The following ARRB1 variants were observed in gnomAD, a reference collection of about 807,000 sequenced individuals.
ARRB1 encodes beta-arrestin-1.
ARRB1 carries 21 observed loss-of-function variants against 56.8 expected under a neutral mutation model. The observed-to-expected ratio is 0.37, with a 90% CI of 0.26 to 0.53. The LOEUF (loss-of-function observed/expected upper bound fraction) is 0.53. Among genes scored for constraint, ARRB1 ranks in the 20% least tolerant of loss-of-function variants. The pLI, the probability that ARRB1 is intolerant of heterozygous loss-of-function variation, is 0.88. For synonymous variants in ARRB1, 210 were observed against 218.6 expected (o/e 0.96, Z 0.35); for missense variants, 424 against 553.7 (o/e 0.77, Z 2.35).
At chr11:75,289,002 C>T (rs985938116) in intron 2 of ARRB1, among the ~76,000 whole-genome samples, 1 of 152,204 alleles carries the variant, frequency 6.6e-6, no homozygotes, top group African/African-American at 2.4e-5. Flanking sequence ...CAAGTCTGAT[C>T]TACCGGCGGG....
At chr11:75,317,286 C>A (rs1474703221) in intron 1 of ARRB1, among the ~76,000 whole-genome samples, 1 of 152,034 alleles carries the variant, frequency 6.6e-6, no homozygotes, top group African/African-American at 2.4e-5. Context: ...CCAAAGCAGC[C>A]TCTCACCCAC....
At chr11:75,349,318 A>G (rs1324205934) in intron 1 of ARRB1, among the ~76,000 whole-genome samples, 1 of 152,214 alleles carries the variant, frequency 6.6e-6, no homozygotes, top group African/African-American at 2.4e-5. Flanking sequence ...AAATGTAAGT[A>G]TTGATAGCTC....
intron 1 of ARRB1, among the ~76,000 whole-genome samples, chr11:75,295,141 G>A (rs536244377): frequency 7.0e-6 from 1 of 142,434 alleles, no homozygotes; most frequent in South Asian, 2.4e-4. Flanking sequence ...AGGATCACTT[G>A]AACCTAGGAG....
At chr11:75,285,377 G>A (rs1946445500) in intron 3 of ARRB1, among the ~76,000 whole-genome samples, 1 of 152,240 alleles carries the variant, frequency 6.6e-6, no homozygotes, top group Non-Finnish European at 1.5e-5. Flanking sequence ...CAGGAGGCCA[G>A]AAACACTGGC....
intron 1 of ARRB1, among the ~76,000 whole-genome samples, chr11:75,322,415 A>G (rs1298460525): frequency 1.3e-5 from 2 of 152,218 alleles, no homozygotes; most frequent in African/African-American, 4.8e-5. Flanking sequence ...CTGAGGCAGG[A>G]GAATCGCTTG....
chr11:75,287,263 C>T, intron 3 of ARRB1, 52 bp downstream of exon 3: 4 of 1,529,396 alleles, frequency 2.6e-6, no homozygotes, highest in Non-Finnish European at 3.5e-6. Flanking sequence ...TTCTGGGAGG[C>T]TTGGCCAGCC....
intron 1 of ARRB1, among the ~76,000 whole-genome samples, chr11:75,321,703 C>CCCA (rs1267153608): frequency 6.6e-6 from 1 of 152,182 alleles, no homozygotes; most frequent in Non-Finnish European, 1.5e-5. Flanking sequence ...GATAGCAGTG[C>CCCA]CCACCCCATC....
chr11:75,299,847 G>T (rs1004467039), intron 1 of ARRB1, among the ~76,000 whole-genome samples: 1 of 152,130 alleles, frequency 6.6e-6, no homozygotes, highest in Admixed American at 6.6e-5. Context: ...AATAAATATA[G>T]GATGACTATG....
chr11:75,287,205 T>C lies in ARRB1; in HGVS notation c.112+110A>G, dbSNP rs1946500248. On this transcript the variant is annotated intron_variant, in intron 3 of 15. Transcript: ENST00000420843. ...GCTTGCTGCCTGAAGCAGGAAGCCA[T>C]TCACCCCCGTTCTTGGCACCGGGCC... The C allele has an allele frequency of 1.2e-5, 14 of 1,148,158 alleles. 1 individual carries two copies. In the Admixed American group the frequency reaches 3.1e-4, roughly 25 times the overall value. 71.1% of individuals were successfully genotyped at this position (1,148,158 alleles called of 1,614,324 possible).
chr11:75,306,615 C>T, intron 1 of ARRB1: 1 of 1,289,182 alleles, frequency 7.8e-7, no homozygotes, highest in Middle Eastern at 2.1e-4. Flanking sequence ...AGAAGCAGCG[C>T]CAAAGCAGTG....
At chr11:75,283,539 C>T (rs72556395) in intron 4 of ARRB1, 56 bp from the exon 5 acceptor site, 47 of 1,502,968 alleles carry the variant, frequency 3.1e-5, no homozygotes, top group Admixed American at 6.4e-5. Context: ...AGCGAGCCCC[C>T]CAGAGTGCCG....
intron 1 of ARRB1, among the ~76,000 whole-genome samples, chr11:75,344,930 A>T (rs778037960): frequency 1.6e-4 from 24 of 152,166 alleles, no homozygotes; most frequent in Non-Finnish European, 2.9e-4. Context: ...ATCCAGGCCC[A>T]TACACGGGCT....
At chr11:75,351,505 C>T in intron 1 of ARRB1, 83 bp downstream of exon 1, 1 of 1,489,642 alleles carries the variant, frequency 6.7e-7, no homozygotes, top group African/African-American at 1.5e-5. Context: ...AACGCAGAAC[C>T]AGGACGCAAT....
intron 1 of ARRB1, among the ~76,000 whole-genome samples, chr11:75,296,186 A>AG (rs1491399924): frequency 9.0e-4 from 26 of 29,006 alleles, no homozygotes; most frequent in Admixed American, 6.1e-3. Context: ...ACTTTGTCTC[A>AG]AAAAAAAAAA....
rs1490314468 is a variant in ARRB1, at chr11:75,283,276, C to A, written c.354+11G>T. On this transcript the variant is annotated intron_variant, in intron 5 of 15. Transcript: ENST00000420843. The stretch of plus-strand genomic sequence containing the variant: ...TTCTGGAATGGGGCCCCAGGGATGG[C>A]AGTTCCTGACCTCAAAGGTGAAAGG... 5.7e-6 allele frequency: 9 copies of A among 1,581,336 alleles called. No individual in the cohort carries two copies. The highest frequency in any genetic ancestry group is 7.8e-6 in the Non-Finnish European group (9 of 1,159,718).
intron 1 of ARRB1, among the ~76,000 whole-genome samples, chr11:75,330,293 A>C (rs61895989): frequency 0.6 from 91,272 of 151,466 alleles, 27,958 homozygotes; most frequent in African/African-American, 0.72. Context: ...GAAAGAAAGC[A>C]TAAGCACAGC....
intron 1 of ARRB1, among the ~76,000 whole-genome samples, chr11:75,314,032 A>T (rs1431281355): frequency 2.6e-5 from 4 of 152,136 alleles, no homozygotes; most frequent in Non-Finnish European, 2.9e-5. Flanking sequence ...TCCAGCCTCC[A>T]GCCTCCCTCC....
chr11:75,266,853 C>A (rs1397790228), intron 15 of ARRB1, among the ~76,000 whole-genome samples: 1 of 152,132 alleles, frequency 6.6e-6, no homozygotes, highest in Non-Finnish European at 1.5e-5. Context: ...CAGAAGAAGG[C>A]TGGGGTAGGA....
chr11:75,329,138 G>A (rs1947482782), intron 1 of ARRB1, among the ~76,000 whole-genome samples: 1 of 147,722 alleles, frequency 6.8e-6, no homozygotes, highest in Non-Finnish European at 1.5e-5. Flanking sequence ...CTGTCACCCA[G>A]GCTGACATGC....
Sources: gnomAD v4.1 joint callset for allele counts (sites outside exome capture counted in the v4.1 genomes callset) on GRCh38, gnomAD v4.1.1 for gene constraint, MANE v1.5 for transcripts, NCBI Gene and HGNC (gene_info 2026-07-23, HGNC 2026-07-21) for gene names.